The following CDH12 variants were observed in gnomAD, a reference collection of about 807,000 sequenced individuals.
The protein encoded by CDH12 is cadherin 12.
A neutral mutation model predicts 74.1 loss-of-function variants in CDH12; 41 were observed. The ratio of observed to expected loss-of-function variants is 0.55; its 90% CI spans 0.43 to 0.72. The LOEUF (loss-of-function observed/expected upper bound fraction) is 0.72. Ranked by LOEUF, CDH12 falls within the 30% of genes least tolerant of loss-of-function variation. The pLI is 0.00. For missense variants in CDH12, 945 were observed against 977.2 expected (o/e 0.97, Z 0.44); for synonymous variants, 399 against 355.0 (o/e 1.12, Z -1.39).
chr5:21,877,058 T>G lies in CDH12; in HGVS notation c.527-22268A>C, dbSNP rs143555724. Among the ~76,000 whole-genome samples the G allele has an allele frequency of 6.4e-3, 979 of 152,184 alleles. 8 individuals carry two copies. Among genetic ancestry groups the G allele is most frequent in the Non-Finnish European group, 9.9e-3 (670 of 67,994 alleles). On this transcript the variant is annotated intron_variant, in intron 6 of 14. Transcript: ENST00000382254. ...CCTCTACTAAAAATACAAAAATTAG[T>G]CAGGCATAGTGGCACTTGCCTGTAG...
intron 3 of CDH12, among the ~76,000 whole-genome samples, chr5:22,343,325 G>GACACACACAC (rs1468112453): frequency 0.011 from 1,121 of 105,704 alleles, 7 homozygotes; most frequent in Middle Eastern, 0.014. Flanking sequence ...CACACACACA[G>GACACACACAC]AGAGAGAGAG....
At chr5:22,185,132 C>T (rs764994075) in intron 4 of CDH12, among the ~76,000 whole-genome samples, 13 of 151,842 alleles carry the variant, frequency 8.6e-5, no homozygotes, top group Non-Finnish European at 1.3e-4. Context: ...CCTTCTACTT[C>T]TGGCAAATAA....
chr5:21,995,216 G>A (rs531715724), intron 5 of CDH12, among the ~76,000 whole-genome samples: 4 of 151,560 alleles, frequency 2.6e-5, no homozygotes, highest in Non-Finnish European at 4.4e-5. Context: ...AGAACCTACC[G>A]GAAGGAACCA....
chr5:22,823,693 G>A (rs973522880), intron 1 of CDH12, among the ~76,000 whole-genome samples: 14 of 152,062 alleles, frequency 9.2e-5, no homozygotes, highest in African/African-American at 3.4e-4. Flanking sequence ...GATCATGGGG[G>A]CAGTTTCCCC....
chr5:22,613,154 T>C (rs1737498531), intron 1 of CDH12, among the ~76,000 whole-genome samples: 1 of 152,054 alleles, frequency 6.6e-6, no homozygotes. Flanking sequence ...ATTTGAATTA[T>C]GAACCTCTGC....
In CDH12 at chr5:22,197,793, C is replaced by T. The variant is rs1368976904; in HGVS notation, c.-187+14705G>A. Among the ~76,000 whole-genome samples the T allele has an allele frequency of 2.6e-5, 4 of 152,014 alleles. No homozygotes were observed. The East Asian group carries it at 7.7e-4, about 29-fold the overall frequency. Reference sequence around the variant, plus strand: ...GATGATCTCAAACACAAAATCATTACTGTTAATATTTATAAAGTCTCTCAA... The same window carrying T: ...GATGATCTCAAACACAAAATCATTATTGTTAATATTTATAAAGTCTCTCAA... On this transcript the variant is annotated intron_variant, in intron 4 of 14. Transcript: ENST00000382254.
chr5:22,112,593 T>G (rs1450080202), intron 4 of CDH12, among the ~76,000 whole-genome samples: 1 of 151,876 alleles, frequency 6.6e-6, no homozygotes, highest in African/African-American at 2.4e-5. Flanking sequence ...GTCATGGTCG[T>G]TTTTTTTCCC....
intron 1 of CDH12, among the ~76,000 whole-genome samples, chr5:22,608,686 G>A (rs752849374): frequency 1.6e-4 from 24 of 152,130 alleles, no homozygotes; most frequent in Non-Finnish European, 2.9e-4. Context: ...GTCATGGGTG[G>A]GAGCATGTGG....
chr5:22,016,806 C>G (rs1737639292), intron 5 of CDH12, among the ~76,000 whole-genome samples: 1 of 152,098 alleles, frequency 6.6e-6, no homozygotes, highest in Non-Finnish European at 1.5e-5. Flanking sequence ...CTGAAGTAAA[C>G]CTTTGCACTT....
At chr5:22,716,604 G>A (rs1390103716) in intron 1 of CDH12, among the ~76,000 whole-genome samples, 2 of 77,852 alleles carry the variant, frequency 2.6e-5, no homozygotes, top group Non-Finnish European at 5.5e-5. Context: ...AAAATTACCT[G>A]AAAACTTAAA....
intron 2 of CDH12, among the ~76,000 whole-genome samples, chr5:22,459,553 C>T (rs910287716): frequency 2.6e-5 from 4 of 152,142 alleles, no homozygotes; most frequent in African/African-American, 4.8e-5. Context: ...GAATAAAACT[C>T]ATGTGGCTGT....
intron 3 of CDH12, among the ~76,000 whole-genome samples, chr5:22,312,138 C>T (rs1434142668): frequency 6.6e-6 from 1 of 151,924 alleles, no homozygotes; most frequent in Admixed American, 6.6e-5. Context: ...GGGTCTCATT[C>T]AGAATACATT....
At chr5:22,231,731 A>C (rs1752392003) in intron 3 of CDH12, among the ~76,000 whole-genome samples, 1 of 151,998 alleles carries the variant, frequency 6.6e-6, no homozygotes, top group African/African-American at 2.4e-5. Flanking sequence ...GAACACAAAA[A>C]CTGCAAGAAT....
intron 5 of CDH12, among the ~76,000 whole-genome samples, chr5:21,978,479 T>C (rs1395999512): frequency 6.6e-6 from 1 of 152,156 alleles, no homozygotes; most frequent in African/African-American, 2.4e-5. Flanking sequence ...GTTATGTAAA[T>C]ATATAACTGA....
At chr5:22,767,259 T>C (rs1746564221) in intron 1 of CDH12, among the ~76,000 whole-genome samples, 1 of 152,038 alleles carries the variant, frequency 6.6e-6, no homozygotes, top group Non-Finnish European at 1.5e-5. Context: ...TCTTTAGATC[T>C]ATAAATGTTT....
intron 1 of CDH12, among the ~76,000 whole-genome samples, chr5:22,510,232 C>A (rs905843519): frequency 2.6e-4 from 39 of 152,040 alleles, no homozygotes; most frequent in Admixed American, 2.4e-3. Context: ...TGCTTTCTCT[C>A]TATATATTAC....
rs73053989 is a variant in CDH12 at position 22,288,719 on chromosome 5, C to T, written c.-332-76076G>A. Among the ~76,000 whole-genome samples, 662 of 152,160 alleles carry T rather than the reference C, an allele frequency of 4.4e-3. 6 individuals carry two copies. Among genetic ancestry groups the T allele is most frequent in the African/African-American group, 0.015 (633 of 41,522 alleles). The stretch of plus-strand genomic sequence containing the variant: ...GTGGTGGACCAAATTGTCTACATTG[C>T]TAGTCCTTAGAAGACAGTAGTCATT... On this transcript the variant is annotated intron_variant, in intron 3 of 14. Transcript: ENST00000382254.
At chr5:22,305,764 A>G (rs76949233) in intron 3 of CDH12, among the ~76,000 whole-genome samples, 2,172 of 152,268 alleles carry the variant, frequency 0.014, 43 homozygotes, top group African/African-American at 0.049. Context: ...CCCATATTCA[A>G]GCATTCACTC....
At chr5:22,752,980 A>G in intron 1 of CDH12, among the ~76,000 whole-genome samples, 1 of 152,100 alleles carries the variant, frequency 6.6e-6, no homozygotes. Context: ...AAATGTCACA[A>G]GAAAATAAAC....
Sources: allele counts gnomAD v4.1 joint callset (sites outside exome capture counted in the v4.1 genomes callset), GRCh38; gene constraint gnomAD v4.1.1; transcripts MANE v1.5; gene names NCBI Gene and HGNC (gene_info 2026-07-23, HGNC 2026-07-21).